CLYBL: variants seen among roughly 807,000 people sequenced by gnomAD.
The protein encoded by CLYBL is citramalyl-CoA lyase.
CLYBL carries 31 observed loss-of-function variants against 38.9 expected under a neutral mutation model. The ratio of observed to expected loss-of-function variants is 0.80; its 90% CI spans 0.60 to 1.08. The LOEUF is 1.08. Ranked by LOEUF, CLYBL falls within the 50% of genes least tolerant of loss-of-function variation. The pLI is 0.00. For missense variants in CLYBL, 434 were observed against 411.6 expected (o/e 1.05, Z -0.47); for synonymous variants, 171 against 158.6 (o/e 1.08, Z -0.59).
chr13:99,697,798 C>T (rs2139448362), intron 1 of CLYBL, among the ~76,000 whole-genome samples: 1 of 151,504 alleles, frequency 6.6e-6, no homozygotes, highest in East Asian at 2.0e-4. Flanking sequence ...AGGCACCCGC[C>T]ACCACACCCA....
At chr13:99,624,363 T>C (rs2046840422) in intron 1 of CLYBL, among the ~76,000 whole-genome samples, 1 of 152,220 alleles carries the variant, frequency 6.6e-6, no homozygotes, top group Admixed American at 6.5e-5. Flanking sequence ...TCACTAATTA[T>C]CTATTTGACA....
chr13:99,788,668 T>G (rs1566327648), intron 2 of CLYBL, among the ~76,000 whole-genome samples: 1 of 152,132 alleles, frequency 6.6e-6, no homozygotes, highest in East Asian at 1.9e-4. Flanking sequence ...TCTATTTTTG[T>G]GTGTGTGTCT....
At chr13:99,714,920 G>T (rs963998929) in intron 1 of CLYBL, among the ~76,000 whole-genome samples, 1 of 152,108 alleles carries the variant, frequency 6.6e-6, no homozygotes, top group Non-Finnish European at 1.5e-5. Context: ...CTATACTCTA[G>T]CCTGGGCAAC....
At chr13:99,642,593 A>C (rs1466820838) in intron 1 of CLYBL, among the ~76,000 whole-genome samples, 1 of 145,642 alleles carries the variant, frequency 6.9e-6, no homozygotes, top group Non-Finnish European at 1.5e-5. Context: ...TTTTTAATTT[A>C]TTTTTGTAGA....
At chr13:99,819,421 TA>T (rs1566340045) in intron 2 of CLYBL, among the ~76,000 whole-genome samples, 5 of 10,090 alleles carry the variant, frequency 5.0e-4, no homozygotes, top group African/African-American at 2.1e-3. Context: ...AAAATTTATA[TA>T]TATATATATA....
chr13:99,903,410 ACACACTCG>A (rs1299015156), intron 8 of CLYBL, among the ~76,000 whole-genome samples: 1 of 150,432 alleles, frequency 6.6e-6, no homozygotes, highest in East Asian at 1.9e-4. Flanking sequence ...ACATACACTC[ACACACTCG>A]CACACGCACA....
rs544991500 is a variant in CLYBL, at chr13:99,776,789, G to A, written c.249+3779G>A. On this transcript the variant is annotated intron_variant, in intron 2 of 8. Transcript: ENST00000339105. Reference sequence around the variant, plus strand: ...TAGTGCTGACGATATGCTGGGCGCTGTAATTTGCATGACAAGCCATTGAGG... The same window carrying A: ...TAGTGCTGACGATATGCTGGGCGCTATAATTTGCATGACAAGCCATTGAGG... 5.3e-5 allele frequency among the ~76,000 whole-genome samples: 8 copies of A among 152,094 alleles called. No individual in the cohort carries two copies. The East Asian group carries it at 1.5e-3, about 29-fold the overall frequency.
chr13:99,800,137 C>T, intron 2 of CLYBL, among the ~76,000 whole-genome samples: 1 of 152,224 alleles, frequency 6.6e-6, no homozygotes, highest in Non-Finnish European at 1.5e-5. Context: ...CAGACCTTGC[C>T]TCCCAATTCC....
intron 1 of CLYBL, among the ~76,000 whole-genome samples, chr13:99,764,083 C>T (rs2049220331): frequency 6.6e-6 from 1 of 151,996 alleles, no homozygotes; most frequent in East Asian, 1.9e-4. Context: ...TGCCCTGTCA[C>T]CCAGGCTGGA....
At chr13:99,831,307 A>G (rs551029823) in intron 2 of CLYBL, among the ~76,000 whole-genome samples, 34 of 152,202 alleles carry the variant, frequency 2.2e-4, no homozygotes, top group Non-Finnish European at 4.0e-4. Flanking sequence ...CCTCAGATAT[A>G]TTATCATTGA....
intron 1 of CLYBL, among the ~76,000 whole-genome samples, chr13:99,669,791 T>A (rs2047537980): frequency 6.6e-6 from 1 of 152,188 alleles, no homozygotes; most frequent in Non-Finnish European, 1.5e-5. Flanking sequence ...GCAAGACAAG[T>A]TTGGGCTTAC....
chr13:99,901,650 TTTTTTTTG>T (rs1566373473), downstream of CLYBL, among the ~76,000 whole-genome samples: 13 of 124,814 alleles, frequency 1.0e-4, no homozygotes, highest in Non-Finnish European at 1.6e-4. Context: ...TTTTTGTTTT[TTTTTTTTG>T]TTTGTTTGTT....
intron 1 of CLYBL, among the ~76,000 whole-genome samples, chr13:99,701,067 A>T (rs1023709127): frequency 6.6e-6 from 1 of 152,178 alleles, no homozygotes; most frequent in Non-Finnish European, 1.5e-5. Flanking sequence ...TTGTCACTTC[A>T]TCCCAGCATG....
chr13:99,648,926 C>T (rs983787137), intron 1 of CLYBL, among the ~76,000 whole-genome samples: 1 of 151,538 alleles, frequency 6.6e-6, no homozygotes, highest in Non-Finnish European at 1.5e-5. Context: ...TTTTATATTT[C>T]ATTCATACAT....
intron 2 of CLYBL, among the ~76,000 whole-genome samples, chr13:99,846,588 C>A (rs904489235): frequency 2.0e-5 from 3 of 152,166 alleles, no homozygotes; most frequent in Non-Finnish European, 2.9e-5. Flanking sequence ...TATAAAGAAT[C>A]CTTGTTTGGG....
At chr13:99,762,058 GTTA>G (rs2049176877) in intron 1 of CLYBL, among the ~76,000 whole-genome samples, 4 of 151,996 alleles carry the variant, frequency 2.6e-5, no homozygotes, top group Non-Finnish European at 5.9e-5. Flanking sequence ...ATATATTCTG[GTTA>G]TTAATTTCTT....
chr13:99,834,629 G>A (rs1018004569), intron 2 of CLYBL, among the ~76,000 whole-genome samples: 1 of 152,066 alleles, frequency 6.6e-6, no homozygotes, highest in African/African-American at 2.4e-5. Context: ...CTTCCTCGAG[G>A]GTGTGGGCTG....
At position 99,784,449 on chromosome 13, in the gene CLYBL, C is replaced by CTCTTTT. The variant is rs71121010; in HGVS notation, c.249+11440_249+11441insCTTTTT. Among the ~76,000 whole-genome samples, 14 of 52,126 alleles carry CTCTTTT rather than the reference C, an allele frequency of 2.7e-4. 1 individual carries two copies. Among genetic ancestry groups the CTCTTTT allele is most frequent in the Non-Finnish European group, 5.0e-4 (13 of 26,220 alleles). 34.2% of individuals were successfully genotyped at this position (52,126 alleles called of 152,430 possible). ...TTCCTCTGCTTCTGGAAAATTCTCT[C>CTCTTTT]TTTTTTTTTTTTTTTTTTTTTTTGA... On this transcript the variant is annotated intron_variant, in intron 2 of 8. Coordinates refer to ENST00000339105, the MANE Select transcript of CLYBL (RefSeq NM_206808.5).
intron 2 of CLYBL, 21 bp from the exon 3 acceptor site, chr13:99,858,840 A>C (rs753880687): frequency 6.4e-7 from 1 of 1,561,168 alleles, no homozygotes; most frequent in Non-Finnish European, 8.7e-7. Context: ...TAAACAATAA[A>C]CTTTTTATTG....
Sources: gnomAD v4.1 joint callset for allele counts (sites outside exome capture counted in the v4.1 genomes callset) on GRCh38, gnomAD v4.1.1 for gene constraint, MANE v1.5 for transcripts, NCBI Gene and HGNC (gene_info 2026-07-23, HGNC 2026-07-21) for gene names.